POLA1: variants seen among roughly 807,000 people sequenced by gnomAD.
POLA1 encodes DNA polymerase alpha catalytic subunit.
POLA1 carries 15 observed loss-of-function variants against 124.0 expected under a neutral mutation model. The ratio of observed to expected loss-of-function variants is 0.12; its 90% CI spans 0.08 to 0.19. The LOEUF is 0.19. POLA1 is among the 10% of genes least tolerant of loss of function. The pLI is 1.00. For synonymous variants in POLA1, 408 were observed against 389.4 expected (o/e 1.05, Z -0.56); for missense variants, 886 against 1,103.4 (o/e 0.80, Z 2.79).
chrX:24,892,327 A>G (rs1303064285), intron 35 of POLA1, among the ~76,000 whole-genome samples: 1 of 111,232 alleles, frequency 9.0e-6, no homozygotes, highest in Middle Eastern at 4.2e-3. Flanking sequence ...CCTCTTTGAC[A>G]GGATCATTCA....
intron 34 of POLA1, among the ~76,000 whole-genome samples, chrX:24,868,755 C>T (rs2046827337): frequency 8.9e-6 from 1 of 111,899 alleles, no homozygotes; most frequent in Non-Finnish European, 1.9e-5. Flanking sequence ...AGAGAAGATG[C>T]ACTGTTTTCC....
At position 24,716,948 on chromosome X, in the gene POLA1, C is replaced by G; in HGVS notation, c.683C>G (p.Pro228Arg). The change falls in exon 8 of 37, where the codon CCT becomes CGT. Residue 228 changes from proline (P) to arginine (R), a missense_variant. Pro to Arg is a moderately radical substitution (Grantham distance 103, BLOSUM62 -2). Transcript: ENST00000379068. ...SRKEPPLTPV[P>R]LKRAEFAGDD... ...AAGGAGCCTCCATTAACTCCTGTTC[C>G]TCTTAAACGTGCTGAATTTGCTGGT... 8.4e-7 allele frequency: 1 copy of G among 1,188,608 alleles called. No homozygotes were observed. The highest frequency in any genetic ancestry group is 3.0e-5 in the East Asian group (1 of 33,734).
chrX:24,696,343 C>T (rs1212770899), intron 1 of POLA1, among the ~76,000 whole-genome samples: 3 of 112,029 alleles, frequency 2.7e-5, no homozygotes, highest in Non-Finnish European at 3.8e-5. Flanking sequence ...AATTGTGCCA[C>T]AAAAATGGGC....
intron 34 of POLA1, among the ~76,000 whole-genome samples, chrX:24,883,845 A>G (rs2047032498): frequency 8.9e-6 from 1 of 111,821 alleles, no homozygotes; most frequent in Non-Finnish European, 1.9e-5. Flanking sequence ...TTTTATTAAA[A>G]TCCAAATCTT....
chrX:24,910,435 G>C (rs922746283), intron 35 of POLA1, among the ~76,000 whole-genome samples: 32 of 110,970 alleles, frequency 2.9e-4, no homozygotes, highest in East Asian at 5.6e-4. Context: ...AATTTATTGA[G>C]AGTTTTTAGC....
At chrX:24,814,043 G>A (rs755807290) in intron 29 of POLA1, among the ~76,000 whole-genome samples, 3 of 111,670 alleles carry the variant, frequency 2.7e-5, no homozygotes, top group Non-Finnish European at 5.6e-5. Flanking sequence ...ATTAGGCAAA[G>A]TTGACCAGCT....
intron 26 of POLA1, among the ~76,000 whole-genome samples, chrX:24,801,924 GGTGTGTGTGTGTGTGTGT>G (rs35938897): frequency 1.3e-4 from 10 of 74,535 alleles, no homozygotes; most frequent in Admixed American, 9.9e-4. Flanking sequence ...GAGGTGGGTG[GGTGTGTGTGTGTGTGTGT>G]GTGTGTGTGT....
chrX:24,898,901 C>G (rs2047239630), intron 35 of POLA1, among the ~76,000 whole-genome samples: 1 of 111,554 alleles, frequency 9.0e-6, no homozygotes, highest in Admixed American at 9.5e-5. Flanking sequence ...TGCTAATTGT[C>G]TTCTCTTTTT....
intron 36 of POLA1, among the ~76,000 whole-genome samples, chrX:24,988,257 T>G (rs2048499453): frequency 8.9e-6 from 1 of 112,694 alleles, no homozygotes; most frequent in Admixed American, 9.3e-5. Flanking sequence ...GCCTATCTGT[T>G]GTCATCATTG....
At chrX:24,982,820 C>T (rs1376543634) in intron 36 of POLA1, among the ~76,000 whole-genome samples, 1 of 110,527 alleles carries the variant, frequency 9.0e-6, no homozygotes, top group African/African-American at 3.3e-5. Flanking sequence ...CAGCTGTATA[C>T]GTTGTATTTG....
intron 32 of POLA1, among the ~76,000 whole-genome samples, chrX:24,838,336 C>T (rs1217463599): frequency 9.0e-6 from 1 of 111,579 alleles, no homozygotes; most frequent in Non-Finnish European, 1.9e-5. Flanking sequence ...CAAATGAGTC[C>T]ATCACTACAA....
chrX:24,954,430 C>T (rs187617092), intron 36 of POLA1, among the ~76,000 whole-genome samples: 62 of 112,198 alleles, frequency 5.5e-4, no homozygotes, highest in Middle Eastern at 9.2e-3. Context: ...TCTTGGCTTA[C>T]GGTGATTTGA....
At chrX:24,841,422 C>T (rs2046407245) in intron 32 of POLA1, among the ~76,000 whole-genome samples, 1 of 112,012 alleles carries the variant, frequency 8.9e-6, no homozygotes, top group Non-Finnish European at 1.9e-5. Context: ...GAAGTAGGTG[C>T]TTCCAAACCC....
chrX:24,843,694 A>G lies in POLA1; in HGVS notation c.4047+17A>G. On this transcript the variant is annotated intron_variant, in intron 34 of 36. Transcript: ENST00000379068. The stretch of plus-strand genomic sequence containing the variant: ...TACTATGATGTAAGTATCCATAATG[A>G]TATTCTTACATACACAACTTATTGA... 1.9e-6 allele frequency: 2 copies of G among 1,061,738 alleles called. No individual in the cohort carries two copies. Among genetic ancestry groups the G allele is most frequent in the Non-Finnish European group, 2.6e-6 (2 of 783,285 alleles). The allele number at this position is 1,061,738 out of a possible 1,213,427, so 87.5% of individuals were successfully genotyped here.
At position 24,749,002 on chromosome X, in the gene POLA1, G is replaced by C; in HGVS notation, c.2964+10G>C. 1 of 1,180,059 alleles carries C rather than the reference G, an allele frequency of 8.5e-7. No individual in the cohort carries two copies. The highest frequency in any genetic ancestry group is 3.0e-5 in the East Asian group (1 of 33,703). On this transcript the variant is annotated intron_variant, in intron 26 of 36. Coordinates refer to ENST00000379068, the MANE Select transcript of POLA1 (RefSeq NM_001330360.2). ...ATACAAAGGAAGGGAGGTAAATGGC[G>C]TAATAACATTCACATCTCTAGATAT...
chrX:24,956,063 G>A lies in POLA1; in HGVS notation c.4261+25514G>A, dbSNP rs1171575309. On this transcript the variant is annotated intron_variant, in intron 36 of 36. Coordinates refer to ENST00000379068, the MANE Select transcript of POLA1 (RefSeq NM_001330360.2). ...CCAGCCCACCCTCCCTTCAGCTGAC[G>A]CAGAAGAGTCATTTGAGGCCAGGAG... Among the ~76,000 whole-genome samples, 3 of 103,751 alleles carry A rather than the reference G, an allele frequency of 2.9e-5. No individual in the cohort carries two copies. In the South Asian group the frequency reaches 1.6e-3, roughly 54 times the overall value. The allele number at this position is 103,751 out of a possible 115,157, so 90.1% of individuals were successfully genotyped here. A position where few individuals can be genotyped will look rare whatever the true frequency, so the allele number is the denominator to read the frequency against.
chrX:24,936,941 A>C (rs1457529298), intron 36 of POLA1, among the ~76,000 whole-genome samples: 1 of 112,421 alleles, frequency 8.9e-6, no homozygotes, highest in African/African-American at 3.2e-5. Context: ...GCATCTATTC[A>C]TTCTTCTTAA....
At chrX:24,835,803 G>A (rs762544426) in intron 32 of POLA1, among the ~76,000 whole-genome samples, 1 of 110,984 alleles carries the variant, frequency 9.0e-6, no homozygotes, top group Non-Finnish European at 1.9e-5. Context: ...CTAGGCAATG[G>A]GGTTTATGTC....
At chrX:24,943,005 G>C (rs772050125) in intron 36 of POLA1, among the ~76,000 whole-genome samples, 1 of 112,464 alleles carries the variant, frequency 8.9e-6, no homozygotes, top group African/African-American at 3.2e-5. Context: ...TGTCCTTGAA[G>C]AGTATTCTCT....
Sources: gnomAD v4.1 joint callset for allele counts (sites outside exome capture counted in the v4.1 genomes callset) on GRCh38, gnomAD v4.1.1 for gene constraint, MANE v1.5 for transcripts, NCBI Gene and HGNC (gene_info 2026-07-23, HGNC 2026-07-21) for gene names.